Variants in EPC2 observed in about 807,000 individuals in gnomAD.
EPC2 encodes enhancer of polycomb homolog 2.
EPC2 carries 14 observed loss-of-function variants against 92.1 expected under a neutral mutation model. The ratio of observed to expected loss-of-function variants is 0.15; its 90% confidence interval spans 0.10 to 0.24. The LOEUF is 0.24. Ranked by LOEUF, EPC2 falls within the 10% of genes least tolerant of loss-of-function variation. The pLI is 1.00. For missense variants in EPC2, 755 were observed against 971.5 expected, an observed-to-expected ratio of 0.78 and a Z score of 2.96; for synonymous variants, 340 against 334.7, an observed-to-expected ratio of 1.02 and a Z score of -0.17.
chr2:148,674,663 C>G (rs1470162564), intron 1 of EPC2, among the ~76,000 whole-genome samples: 1 of 152,198 alleles, frequency 6.6e-6, no homozygotes, highest in Non-Finnish European at 1.5e-5. Context: ...CTCTTTCTCT[C>G]CTGAGGAAGA....
intron 2 of EPC2, among the ~76,000 whole-genome samples, chr2:148,718,783 C>T (rs540488484): frequency 6.6e-6 from 1 of 152,252 alleles, no homozygotes; most frequent in African/African-American, 2.4e-5. Context: ...GAATGTTGGC[C>T]TGTCTTGGTA....
chr2:148,741,062 AAAGAT>A (rs1204792782), intron 2 of EPC2, among the ~76,000 whole-genome samples: 1 of 152,188 alleles, frequency 6.6e-6, no homozygotes, highest in East Asian at 1.9e-4. Flanking sequence ...GTTTTACATA[AAAGAT>A]AAGAGAAAAA....
intron 1 of EPC2, among the ~76,000 whole-genome samples, chr2:148,688,658 A>G (rs1353050841): frequency 6.6e-6 from 1 of 152,194 alleles, no homozygotes; most frequent in Non-Finnish European, 1.5e-5. Context: ...TTTGACCTCA[A>G]CAACTTACAA....
chr2:148,686,181 A>G (rs1318506755), intron 1 of EPC2, among the ~76,000 whole-genome samples: 1 of 152,184 alleles, frequency 6.6e-6, no homozygotes, highest in Admixed American at 6.5e-5. Flanking sequence ...TAATGTTCCA[A>G]ATCCTTTGTT....
At chr2:148,725,021 T>A (rs947478368) in intron 2 of EPC2, among the ~76,000 whole-genome samples, 1 of 152,100 alleles carries the variant, frequency 6.6e-6, no homozygotes, top group African/African-American at 2.4e-5. Flanking sequence ...GGCCTTGTTC[T>A]AGTAGTATTT....
At chr2:148,664,439 A>G (rs533733239) in intron 1 of EPC2, among the ~76,000 whole-genome samples, 3 of 152,328 alleles carry the variant, frequency 2.0e-5, no homozygotes, top group African/African-American at 7.2e-5. Context: ...TCAAGGCTGC[A>G]GTGAGTTGTG....
intron 1 of EPC2, among the ~76,000 whole-genome samples, chr2:148,679,653 GTTTT>G (rs1343666570): frequency 6.6e-6 from 1 of 152,058 alleles, no homozygotes; most frequent in Non-Finnish European, 1.5e-5. Flanking sequence ...GCAAAAGTTT[GTTTT>G]TTGAGAGAGA....
chr2:148,669,603 G>A (rs1004113537), intron 1 of EPC2, among the ~76,000 whole-genome samples: 6 of 152,150 alleles, frequency 3.9e-5, no homozygotes, highest in African/African-American at 1.2e-4. Context: ...GATCACTTGA[G>A]CCCAGGGGAT....
At chr2:148,706,980 T>A (rs191316549) in intron 2 of EPC2, among the ~76,000 whole-genome samples, 38 of 152,260 alleles carry the variant, frequency 2.5e-4, no homozygotes, top group Non-Finnish European at 4.4e-4. Context: ...AATGACAGGA[T>A]CAGATTCACA....
intron 2 of EPC2, among the ~76,000 whole-genome samples, chr2:148,727,014 C>T (rs1682513165): frequency 6.6e-6 from 1 of 151,972 alleles, no homozygotes; most frequent in Non-Finnish European, 1.5e-5. Context: ...AATTCAATGT[C>T]ATGAAGTCTT....
chr2:148,782,071 C>CA lies in EPC2; in HGVS notation c.1857+292dup, dbSNP rs1450484692. Among the ~76,000 whole-genome samples the CA allele has an allele frequency of 3.4e-4, 51 of 152,098 alleles. 1 individual carries two copies. Among genetic ancestry groups the CA allele is most frequent in the Non-Finnish European group, 4.4e-5 (3 of 68,018 alleles). ...ATATGTAGTTGTAAGAATCATTCTC[C>CA]ACCTCCACTCCCCCAAAGATTTTTT... is the stretch of plus-strand genomic sequence containing the variant. On this transcript the variant is annotated intron_variant, in intron 11 of 13. Coordinates refer to ENST00000258484, the MANE Select transcript of EPC2 (RefSeq NM_015630.4).
At position 148,787,027 on chromosome 2, in the gene EPC2, T is replaced by A. The variant is rs2105445241; in HGVS notation, c.*650T>A. On this transcript the variant is annotated 3_prime_UTR_variant, in exon 14 of 14. Transcript: ENST00000258484. The stretch of plus-strand genomic sequence containing the variant: ...TGTAGTAACTCACTTTTCCATATAT[T>A]TTGAATGTATATTTCTATTTATGAT... The A allele has an allele frequency of 6.5e-6, 1 of 152,724 alleles. No homozygotes were observed. The highest frequency in any genetic ancestry group is 2.4e-5 in the African/African-American group (1 of 41,576). The allele number at this position is 152,724 out of a possible 1,614,324, so 9.5% of individuals were successfully genotyped here. A position where few individuals can be genotyped will look rare whatever the true frequency, so the allele number is the denominator to read the frequency against.
At chr2:148,783,477 TA>T in intron 11 of EPC2, 119 bp from the exon 12 acceptor site, 4 of 919,884 alleles carry the variant, frequency 4.3e-6, no homozygotes, top group African/African-American at 1.7e-5. Flanking sequence ...TCGCTTAATC[TA>T]AACACTTGTA....
intron 2 of EPC2, among the ~76,000 whole-genome samples, chr2:148,730,595 T>G (rs1471183137): frequency 1.3e-5 from 2 of 152,164 alleles, no homozygotes; most frequent in Non-Finnish European, 2.9e-5. Context: ...TAACAAACCC[T>G]TCAGATGATT....
At chr2:148,781,057 G>C (rs1683738238) in intron 10 of EPC2, among the ~76,000 whole-genome samples, 1 of 152,094 alleles carries the variant, frequency 6.6e-6, no homozygotes, top group Admixed American at 6.6e-5. Flanking sequence ...ATACTTGTCT[G>C]ATTTCTAGCC....
At position 148,784,675 on chromosome 2, in the gene EPC2, T is replaced by C; in HGVS notation, c.2025T>C (p.Ser675=). The C allele has an allele frequency of 6.3e-7, 1 of 1,597,046 alleles. No individual in the cohort carries two copies. The highest frequency in any genetic ancestry group is 8.5e-7 in the Non-Finnish European group (1 of 1,171,698). Reference sequence around the variant, plus strand: ...GACTTCTTTCTTTTTCAGGAACCTCTAAAACATTATACTCCACCAATATGG... The same window carrying C: ...GACTTCTTTCTTTTTCAGGAACCTCCAAAACATTATACTCCACCAATATGG... ...INGVVQPSGT[S]KTLYSTNMAL... Residue 675 remains serine (S), a synonymous_variant, in exon 13 of 14, where the codon TCT becomes TCC. Transcript: ENST00000258484.
At chr2:148,686,269 A>G (rs1184721381) in intron 1 of EPC2, among the ~76,000 whole-genome samples, 2 of 152,246 alleles carry the variant, frequency 1.3e-5, no homozygotes, top group African/African-American at 4.8e-5. Flanking sequence ...CTCATCCATA[A>G]GAAACAACTC....
intron 2 of EPC2, among the ~76,000 whole-genome samples, chr2:148,693,706 G>C (rs960740746): frequency 6.6e-6 from 1 of 152,150 alleles, no homozygotes; most frequent in African/African-American, 2.4e-5. Context: ...AACCCATCAT[G>C]CTTCAAGCTA....
Position 148,733,250 on chromosome 2 carries a change from T to C in EPC2, c.314-10372T>C, listed in dbSNP as rs527361871. Among the ~76,000 whole-genome samples the C allele has an allele frequency of 9.9e-4, 150 of 151,750 alleles. 2 individuals are homozygous for C. In the South Asian group the frequency reaches 0.031, roughly 31 times the overall value. ...ACCACAAAGAGTGAAATCTTGAAAATTGTACTTCCTTAGTAGCCTTTGCTG... is the reference window on the plus strand; with the variant it reads ...ACCACAAAGAGTGAAATCTTGAAAACTGTACTTCCTTAGTAGCCTTTGCTG... On this transcript the variant is annotated intron_variant, in intron 2 of 13. Transcript: ENST00000258484.
Sources: gnomAD v4.1 joint callset for allele counts (sites outside exome capture counted in the v4.1 genomes callset) on GRCh38, gnomAD v4.1.1 for gene constraint, MANE v1.5 for transcripts, NCBI Gene and HGNC (gene_info 2026-07-23, HGNC 2026-07-21) for gene names.